The following SCIN variants were observed in gnomAD, a reference collection of about 807,000 sequenced individuals.
SCIN encodes the protein scinderin.
Under a neutral mutation model 91.8 loss-of-function variants are expected in SCIN, and 91 were observed. The ratio of observed to expected loss-of-function variants is 0.99; its 90% CI spans 0.84 to 1.18. The LOEUF is 1.18. Ranked by LOEUF, SCIN falls within the 50% of genes most tolerant of loss-of-function variation. The pLI is 0.00. For missense variants in SCIN, 1,087 were observed against 863.9 expected (o/e 1.26, Z -3.24); for synonymous variants, 367 against 312.6 (o/e 1.17, Z -1.84).
At chr7:12,588,720 G>T (rs1782643591) in intron 3 of SCIN, among the ~76,000 whole-genome samples, 1 of 151,104 alleles carries the variant, frequency 6.6e-6, no homozygotes, top group Admixed American at 6.6e-5. Flanking sequence ...AGGGCTGTAA[G>T]CAAGTCTGGT....
At chr7:12,584,745 T>A (rs1209373007) in intron 3 of SCIN, among the ~76,000 whole-genome samples, 1 of 152,174 alleles carries the variant, frequency 6.6e-6, no homozygotes, top group Admixed American at 6.5e-5. Context: ...GTTGGTGAAT[T>A]TATTAGTCAT....
At position 12,640,391 on chromosome 7, in the gene SCIN, GT is replaced by G; in HGVS notation, c.1457del (p.Phe486SerfsTer50). On this transcript the variant is annotated frameshift_variant, in exon 11 of 16. Coordinates refer to ENST00000297029, the MANE Select transcript of SCIN (RefSeq NM_001112706.3). LOFTEE classifies it high-confidence loss of function. ...GKEPVHLLSL[F>X]KDKPLIIYKN... ...AAGAGCCTGTTCACCTACTGAGTTTGTTCAAAGACAAACCGCTCATTATTTA... is the reference window on the plus strand; with the variant it reads ...AAGAGCCTGTTCACCTACTGAGTTTGTCAAAGACAAACCGCTCATTATTTA... 6.2e-7 allele frequency: 1 copy of G among 1,612,842 alleles called. No individual in the cohort carries two copies. The highest frequency in any genetic ancestry group is 1.1e-5 in the South Asian group (1 of 90,890).
At chr7:12,595,305 A>G (rs1473292266) in intron 3 of SCIN, among the ~76,000 whole-genome samples, 1 of 152,170 alleles carries the variant, frequency 6.6e-6, no homozygotes, top group African/African-American at 2.4e-5. Flanking sequence ...CCAGGTTTCA[A>G]TATAGGAATT....
chr7:12,591,536 T>C (rs1782722218), intron 3 of SCIN, among the ~76,000 whole-genome samples: 1 of 152,026 alleles, frequency 6.6e-6, no homozygotes. Flanking sequence ...TTCAGCAGTA[T>C]AGAGAGTGAA....
intron 3 of SCIN, among the ~76,000 whole-genome samples, chr7:12,595,184 T>C (rs1449258968): frequency 6.6e-6 from 1 of 152,062 alleles, no homozygotes; most frequent in African/African-American, 2.4e-5. Context: ...GCTGAGCTGC[T>C]CCACCACAGT....
intron 4 of SCIN, among the ~76,000 whole-genome samples, chr7:12,616,485 A>T (rs1470000584): frequency 6.6e-6 from 1 of 152,166 alleles, no homozygotes; most frequent in East Asian, 1.9e-4. Flanking sequence ...ATTGGACTTC[A>T]TAATGTGAGA....
chr7:12,599,792 T>A (rs1458714368), intron 3 of SCIN, among the ~76,000 whole-genome samples: 1 of 152,200 alleles, frequency 6.6e-6, no homozygotes, highest in Non-Finnish European at 1.5e-5. Context: ...CATCTTTTCA[T>A]GTTTGTTGGC....
intron 3 of SCIN, among the ~76,000 whole-genome samples, chr7:12,592,296 G>A (rs897408605): frequency 1.8e-4 from 28 of 152,076 alleles, no homozygotes; most frequent in African/African-American, 6.5e-4. Flanking sequence ...CTGATGGCTC[G>A]GAGGTTGTGA....
At chr7:12,616,240 T>C (rs1421614514) in intron 4 of SCIN, among the ~76,000 whole-genome samples, 4 of 152,124 alleles carry the variant, frequency 2.6e-5, no homozygotes, top group African/African-American at 9.7e-5. Context: ...GAGAATGATC[T>C]TTATGGACCC....
intron 3 of SCIN, among the ~76,000 whole-genome samples, chr7:12,600,239 A>G (rs548950832): frequency 6.6e-6 from 1 of 152,206 alleles, no homozygotes; most frequent in African/African-American, 2.4e-5. Flanking sequence ...TTCTAAGTGA[A>G]GTAACTCAGG....
intron 1 of SCIN, chr7:12,577,797 A>G: frequency 2.2e-6 from 1 of 446,036 alleles, no homozygotes; most frequent in Non-Finnish European, 4.1e-6. Flanking sequence ...TTGGGGTTAC[A>G]GTGAGCTATG....
At chr7:12,596,179 C>T (rs1782836896) in intron 3 of SCIN, 1 of 326,456 alleles carries the variant, frequency 3.1e-6, no homozygotes, top group Admixed American at 4.0e-5. Flanking sequence ...CCTTCATGTG[C>T]AGTGCCCTCC....
intron 11 of SCIN, among the ~76,000 whole-genome samples, chr7:12,643,911 T>C (rs1783904179): frequency 6.6e-6 from 1 of 152,170 alleles, no homozygotes; most frequent in Non-Finnish European, 1.5e-5. Context: ...CAGACAGTTC[T>C]CACAGAGACA....
At chr7:12,650,689 C>T (rs761631324) in intron 14 of SCIN, among the ~76,000 whole-genome samples, 1 of 151,960 alleles carries the variant, frequency 6.6e-6, no homozygotes, top group Non-Finnish European at 1.5e-5. Flanking sequence ...TTCAAGTACC[C>T]CCACCCACAC....
intron 2 of SCIN, among the ~76,000 whole-genome samples, chr7:12,580,404 T>G (rs1186219408): frequency 6.6e-6 from 1 of 152,180 alleles, no homozygotes; most frequent in African/African-American, 2.4e-5. Flanking sequence ...ATTTTTTTTG[T>G]TTGGGGATGT....
At chr7:12,647,076 T>C (rs1783979447) in intron 13 of SCIN, among the ~76,000 whole-genome samples, 1 of 152,216 alleles carries the variant, frequency 6.6e-6, no homozygotes, top group Non-Finnish European at 1.5e-5. Context: ...TAATTTCTTA[T>C]TAGAATTATT....
At chr7:12,600,542 A>G (rs1583290826) in intron 3 of SCIN, among the ~76,000 whole-genome samples, 1 of 152,242 alleles carries the variant, frequency 6.6e-6, no homozygotes, top group East Asian at 1.9e-4. Context: ...GTAGGAAAAA[A>G]TATTCTGATT....
rs1345488306 is a variant in SCIN, at chr7:12,651,512, G to C, written c.1960-329G>C. On this transcript the variant is annotated intron_variant, in intron 14 of 15. Transcript: ENST00000297029. The surrounding 1 kb of genome is among the most constrained non-coding windows in gnomAD (Gnocchi z 5.9). Reference sequence around the variant, plus strand: ...TCCTTCGACTGCTGTCACACCCTAGGGGGTGGATGAAAAAAAAAAGTCCAC... The same window carrying C: ...TCCTTCGACTGCTGTCACACCCTAGCGGGTGGATGAAAAAAAAAAGTCCAC... Among the ~76,000 whole-genome samples, 5 of 151,254 alleles carry C rather than the reference G, an allele frequency of 3.3e-5. No individual in the cohort carries two copies. Among genetic ancestry groups the C allele is most frequent in the South Asian group, 2.1e-4 (1 of 4,810 alleles).
intron 8 of SCIN, among the ~76,000 whole-genome samples, chr7:12,627,118 ATGTGTATATATACACATATATCTG>A: frequency 6.6e-6 from 1 of 152,076 alleles, no homozygotes; most frequent in Non-Finnish European, 1.5e-5. Context: ...ACACACATAA[ATGTGTATATATACACATATATCTG>A]TGTGTATATA....
Sources: gnomAD v4.1 joint callset for allele counts (sites outside exome capture counted in the v4.1 genomes callset) on GRCh38, gnomAD v4.1.1 for gene constraint, Gnocchi (gnomAD v3.1) non-coding constraint, MANE v1.5 for transcripts, NCBI Gene and HGNC (gene_info 2026-07-23, HGNC 2026-07-21) for gene names.